COL12A1: variants seen among roughly 807,000 people sequenced by gnomAD.
The protein encoded by COL12A1 is collagen type XII alpha 1 chain.
COL12A1 carries 114 observed loss-of-function variants against 349.7 expected under a neutral mutation model. That is an observed-to-expected ratio of 0.33 (90% CI 0.28 to 0.38). The LOEUF (loss-of-function observed/expected upper bound fraction) is 0.38, where lower values mean the gene tolerates loss of function less well. Among genes scored for constraint, COL12A1 ranks in the 10% least tolerant of loss-of-function variants. The probability of loss-of-function intolerance (pLI) is 1.00; values close to 1 mark genes in which losing one functional copy is unlikely to be tolerated. For synonymous variants in COL12A1, 1,369 were observed against 1,329.0 expected (o/e 1.03, Z -0.66); for missense variants, 3,284 against 3,756.9 (o/e 0.87, Z 3.29).
chr6:75,110,975 A>C (rs1768812000), intron 51 of COL12A1, among the ~76,000 whole-genome samples: 1 of 151,926 alleles, frequency 6.6e-6, no homozygotes, highest in Non-Finnish European at 1.5e-5. Flanking sequence ...TATACTTGCA[A>C]TTTGCAAGAT....
At chr6:75,095,867 C>G (rs1562101953) in intron 59 of COL12A1, among the ~76,000 whole-genome samples, 1 of 152,050 alleles carries the variant, frequency 6.6e-6, no homozygotes, top group Non-Finnish European at 1.5e-5. Flanking sequence ...ACCAGACAAT[C>G]TTTCAAAACA....
In COL12A1 at chr6:75,138,814, T is replaced by G; in HGVS notation, c.5097+8A>C. 1 of 1,613,478 alleles carries G rather than the reference T, an allele frequency of 6.2e-7. No individual in the cohort carries two copies. Among genetic ancestry groups the G allele is most frequent in the Non-Finnish European group, 8.5e-7 (1 of 1,179,808 alleles). ...AAGACAGAGAGAAAGATAAAGAGAG[T>G]TAACTACCTCCATCTTATCTGAGCT... On this transcript the variant is annotated splice_region_variant and intron_variant, in intron 28 of 65. Coordinates refer to ENST00000322507, the MANE Select transcript of COL12A1 (RefSeq NM_004370.6).
chr6:75,194,466 C>G (rs1293212448), intron 3 of COL12A1, among the ~76,000 whole-genome samples: 2 of 152,064 alleles, frequency 1.3e-5, no homozygotes, highest in Non-Finnish European at 2.9e-5. Context: ...TAACAACTTA[C>G]TTCATCAGCT....
intron 14 of COL12A1, 54 bp downstream of exon 14, chr6:75,165,453 A>G: frequency 1.3e-6 from 2 of 1,578,038 alleles, no homozygotes; most frequent in South Asian, 1.2e-5. Context: ...ACTTGAGCTG[A>G]TAACTATTGG....
chr6:75,131,098 CCA>C, intron 35 of COL12A1, 117 bp from the exon 36 acceptor site: 1 of 1,326,018 alleles, frequency 7.5e-7, no homozygotes, highest in Non-Finnish European at 1.1e-6. Context: ...ACATCAGAAG[CCA>C]ACTGTGCTTC....
intron 60 of COL12A1, among the ~76,000 whole-genome samples, chr6:75,094,353 A>C (rs1767908407): frequency 6.7e-6 from 1 of 148,950 alleles, no homozygotes; most frequent in Non-Finnish European, 1.5e-5. Flanking sequence ...TCAGGATGCT[A>C]TTTGGACAAA....
At position 75,137,503 on chromosome 6, in the gene COL12A1, A is replaced by G; in HGVS notation, c.5328T>C (p.Ala1776=). The G allele has an allele frequency of 6.2e-7, 1 of 1,613,902 alleles. No individual in the cohort carries two copies. The highest frequency in any genetic ancestry group is 8.5e-7 in the Non-Finnish European group (1 of 1,179,872). The part of the protein sequence containing the change: ...SNSLTVKWDP[A]SGRVQKYRIT... ...TCCTATATTTCTGCACACGACCACT[A>G]GCAGGATCCCACTTAACAGTCAGGC... The change falls in exon 31 of 66, where the codon GCT becomes GCC. Residue 1776 remains alanine, a synonymous_variant. Coordinates refer to ENST00000322507, the MANE Select transcript of COL12A1 (RefSeq NM_004370.6).
At chr6:75,140,007 T>C (rs1042059879) in intron 27 of COL12A1, among the ~76,000 whole-genome samples, 3 of 152,230 alleles carry the variant, frequency 2.0e-5, no homozygotes, top group African/African-American at 7.2e-5. Flanking sequence ...AGAGTGGTAC[T>C]ATTTCCACCA....
chr6:75,149,076 C>T (rs1767350724), intron 21 of COL12A1, among the ~76,000 whole-genome samples: 1 of 152,194 alleles, frequency 6.6e-6, no homozygotes, highest in South Asian at 2.1e-4. Flanking sequence ...CCACATGGAA[C>T]TGTGAGTCAA....
In COL12A1 at chr6:75,101,824, A is replaced by G. The variant is rs1768318941; in HGVS notation, c.8470-171T>C. 4.2e-6 allele frequency: 4 copies of G among 952,522 alleles called. No homozygotes were observed. The South Asian group carries it at 6.3e-5, about 15-fold the overall frequency. The allele number at this position is 952,522 out of a possible 1,614,324, so 59.0% of individuals were successfully genotyped here. On this transcript the variant is annotated intron_variant, in intron 57 of 65. Coordinates refer to ENST00000322507, the MANE Select transcript of COL12A1 (RefSeq NM_004370.6). Reference sequence around the variant, plus strand: ...CAGTAGATGCTCAGTCAACAAGCAGATACCTGAATTGAATAGCACCAACTT... The same window carrying G: ...CAGTAGATGCTCAGTCAACAAGCAGGTACCTGAATTGAATAGCACCAACTT...
At chr6:75,109,254 G>C (rs1320742373) in intron 51 of COL12A1, 87 bp from the exon 52 acceptor site, 1 of 947,842 alleles carries the variant, frequency 1.1e-6, no homozygotes, top group East Asian at 3.0e-5. Flanking sequence ...TTTTTTTGAA[G>C]TTTTTTAAGC....
chr6:75,200,244 C>T (rs1465344452), intron 2 of COL12A1, among the ~76,000 whole-genome samples: 3 of 152,168 alleles, frequency 2.0e-5, no homozygotes, highest in Non-Finnish European at 4.4e-5. Flanking sequence ...CTGTCCGACA[C>T]GGAAGCAACC....
chr6:75,138,623 C>G, intron 28 of COL12A1, 43 bp from the exon 29 acceptor site: 1 of 1,607,376 alleles, frequency 6.2e-7, no homozygotes, highest in Non-Finnish European at 8.5e-7. Context: ...AAAAGTAAGT[C>G]TCCACTTACA....
intron 55 of COL12A1, 140 bp from the exon 56 acceptor site, chr6:75,102,832 A>G: frequency 4.5e-6 from 2 of 443,428 alleles, no homozygotes; most frequent in East Asian, 7.2e-5. Flanking sequence ...ACATCTATGA[A>G]TATATTCATT....
At chr6:75,104,374 T>C (rs537203600) in intron 54 of COL12A1, among the ~76,000 whole-genome samples, 16 of 152,268 alleles carry the variant, frequency 1.1e-4, no homozygotes, top group African/African-American at 3.6e-4. Flanking sequence ...AAAAAAAGAA[T>C]GGTAACCCCA....
intron 42 of COL12A1, 87 bp downstream of exon 42, chr6:75,123,861 C>G: frequency 7.3e-7 from 1 of 1,377,278 alleles, no homozygotes. Flanking sequence ...GGAGAGGTAC[C>G]TGCACAGGAT....
chr6:75,135,384 T>C (rs746912293), intron 31 of COL12A1, among the ~76,000 whole-genome samples: 1 of 152,204 alleles, frequency 6.6e-6, no homozygotes, highest in African/African-American at 2.4e-5. Context: ...GTTAACGACA[T>C]GACCAGACCT....
intron 58 of COL12A1, among the ~76,000 whole-genome samples, chr6:75,101,219 A>T (rs1030316068): frequency 1.3e-5 from 2 of 152,230 alleles, no homozygotes; most frequent in Admixed American, 6.5e-5. Context: ...ATGGGAGTCA[A>T]GGCTACCCTC....
chr6:75,146,225 G>A lies in COL12A1; in HGVS notation c.4437C>T (p.Ser1479=). The change falls in exon 24 of 66, where the codon AGC becomes AGT. Residue 1479 remains serine (S), a synonymous_variant. Coordinates refer to ENST00000322507, the MANE Select transcript of COL12A1 (RefSeq NM_004370.6). The stretch of plus-strand genomic sequence containing the variant: ...TAGGGCCAACATCATAAATATTCAG[G>A]CTGACTACAGGCACTGGCACTTCCA... ...TEKTLPVPVV[S]LNIYDVGPTT... is the part of the protein sequence containing the mutation. The A allele has an allele frequency of 1.9e-6, 3 of 1,607,974 alleles. No homozygotes were observed. Among genetic ancestry groups the A allele is most frequent in the Non-Finnish European group, 1.7e-6 (2 of 1,177,758 alleles).
Sources: gnomAD v4.1 joint callset for allele counts (sites outside exome capture counted in the v4.1 genomes callset) on GRCh38, gnomAD v4.1.1 for gene constraint, MANE v1.5 for transcripts, NCBI Gene and HGNC (gene_info 2026-07-23, HGNC 2026-07-21) for gene names.